DENND1B: variants seen among roughly 807,000 people sequenced by gnomAD.
The protein encoded by DENND1B is DENN domain containing 1B.
DENND1B carries 59 observed loss-of-function variants against 90.1 expected under a neutral mutation model. That is an observed-to-expected ratio of 0.65 (90% confidence interval 0.53 to 0.81). The LOEUF (loss-of-function observed/expected upper bound fraction) is 0.81, where lower values mean the gene tolerates loss of function less well. DENND1B is among the 40% of genes least tolerant of loss of function. The pLI is 0.00. For missense variants in DENND1B, 862 were observed against 912.6 expected (o/e 0.94, Z 0.71); for synonymous variants, 337 against 324.6 (o/e 1.04, Z -0.41).
chr1:197,623,948 A>G (rs1394365008), intron 10 of DENND1B, among the ~76,000 whole-genome samples: 4 of 151,626 alleles, frequency 2.6e-5, no homozygotes, highest in Non-Finnish European at 5.9e-5. Context: ...ATAAATGGAG[A>G]GATATTCCAT....
intron 18 of DENND1B, 82 bp from the exon 19 acceptor site, chr1:197,541,097 G>A: frequency 8.5e-7 from 1 of 1,180,446 alleles, no homozygotes; most frequent in Non-Finnish European, 1.2e-6. Context: ...CAAATTTAAT[G>A]ACAATTACTA....
At chr1:197,598,541 T>C (rs1438650870) in intron 13 of DENND1B, among the ~76,000 whole-genome samples, 2 of 151,858 alleles carry the variant, frequency 1.3e-5, no homozygotes, top group Non-Finnish European at 2.9e-5. Flanking sequence ...TACTTTTTAA[T>C]ACCTGGTCTA....
intron 2 of DENND1B, 122 bp downstream of exon 2, chr1:197,772,746 A>T: frequency 1.4e-6 from 1 of 719,720 alleles, no homozygotes; most frequent in Non-Finnish European, 2.3e-6. Flanking sequence ...GATCACCTGA[A>T]CCCGGGAAGG....
intron 16 of DENND1B, among the ~76,000 whole-genome samples, chr1:197,547,215 C>A (rs1048500496): frequency 5.3e-5 from 8 of 151,856 alleles, no homozygotes; most frequent in Admixed American, 2.0e-4. Flanking sequence ...TTGCAGTGTG[C>A]TAAGATTATG....
intron 2 of DENND1B, among the ~76,000 whole-genome samples, chr1:197,730,271 A>C (rs1204763138): frequency 1.3e-5 from 2 of 152,102 alleles, no homozygotes; most frequent in Non-Finnish European, 2.9e-5. Flanking sequence ...CCTTTAGGAT[A>C]TATAGGTAAT....
intron 15 of DENND1B, among the ~76,000 whole-genome samples, chr1:197,582,306 T>C (rs980802405): frequency 6.6e-6 from 1 of 152,168 alleles, no homozygotes; most frequent in African/African-American, 2.4e-5. Flanking sequence ...TATAGTATCT[T>C]CCCTTCTAAC....
At chr1:197,752,620 A>AT (rs1653706573) in intron 2 of DENND1B, among the ~76,000 whole-genome samples, 1 of 151,868 alleles carries the variant, frequency 6.6e-6, no homozygotes, top group African/African-American at 2.4e-5. Context: ...CAAAATAGAA[A>AT]TTTTTTTCAA....
intron 3 of DENND1B, among the ~76,000 whole-genome samples, chr1:197,713,789 A>T (rs1410366736): frequency 0.08 from 1,107 of 13,850 alleles, 58 homozygotes; most frequent in African/African-American, 0.2. Context: ...ATTATATTAT[A>T]ATATTATTAT....
intron 13 of DENND1B, among the ~76,000 whole-genome samples, chr1:197,604,701 T>C (rs1349383954): frequency 6.6e-6 from 1 of 151,250 alleles, no homozygotes; most frequent in African/African-American, 2.4e-5. Flanking sequence ...TAGTAACATT[T>C]TTCAGGTTTC....
intron 2 of DENND1B, among the ~76,000 whole-genome samples, chr1:197,738,346 G>C (rs1477118843): frequency 6.6e-6 from 1 of 152,210 alleles, no homozygotes; most frequent in East Asian, 1.9e-4. Flanking sequence ...GAGAATGACA[G>C]CCAGGTCACA....
chr1:197,511,709 T>TA lies in DENND1B; in HGVS notation c.1815+18dup, dbSNP rs558325099. Reference sequence around the variant, plus strand: ...GAATATTTTCTTCTAATTTTATAAGTAAAAAAAAATCTACTAACCGTAGGT... The same window carrying TA: ...GAATATTTTCTTCTAATTTTATAAGTAAAAAAAAAATCTACTAACCGTAGGT... On this transcript the variant is annotated intron_variant, in intron 22 of 22. Transcript: ENST00000620048. 2.1e-4 allele frequency: 318 copies of TA among 1,536,350 alleles called. 1 individual carries two copies. Among genetic ancestry groups the TA allele is most frequent in the East Asian group, 1.8e-3 (77 of 43,850 alleles).
At chr1:197,750,305 C>T (rs924215369) in intron 2 of DENND1B, among the ~76,000 whole-genome samples, 2 of 151,834 alleles carry the variant, frequency 1.3e-5, no homozygotes, top group African/African-American at 4.8e-5. Flanking sequence ...ACATAATCAT[C>T]AAGTACAATG....
At chr1:197,676,468 G>A (rs1459125659) in intron 3 of DENND1B, among the ~76,000 whole-genome samples, 1 of 151,940 alleles carries the variant, frequency 6.6e-6, no homozygotes, top group Non-Finnish European at 1.5e-5. Flanking sequence ...TCCTAGGTTA[G>A]CATCCACAGA....
intron 2 of DENND1B, among the ~76,000 whole-genome samples, chr1:197,761,586 A>T (rs1655059859): frequency 6.6e-6 from 1 of 152,162 alleles, no homozygotes; most frequent in Non-Finnish European, 1.5e-5. Flanking sequence ...AATAAAAGTC[A>T]TCTAAGTTTT....
intron 13 of DENND1B, among the ~76,000 whole-genome samples, chr1:197,603,697 G>T (rs1182668578): frequency 1.3e-5 from 2 of 151,134 alleles, no homozygotes; most frequent in African/African-American, 4.8e-5. Flanking sequence ...CCTAGTAAGA[G>T]AGTAATTCTA....
At chr1:197,672,194 T>C in intron 4 of DENND1B, 38 bp from the exon 5 acceptor site, 2 of 1,547,514 alleles carry the variant, frequency 1.3e-6, no homozygotes, top group Non-Finnish European at 1.7e-6. Context: ...TGTGCCTTGT[T>C]TGACAATTTT....
At chr1:197,565,475 CTTTT>C (rs66660353) in intron 15 of DENND1B, among the ~76,000 whole-genome samples, 31 of 150,830 alleles carry the variant, frequency 2.1e-4, no homozygotes, top group African/African-American at 4.6e-4. Flanking sequence ...TTTTTTCTTT[CTTTT>C]TTTTTTCTTT....
At chr1:197,523,854 T>C (rs1273911399) in intron 20 of DENND1B, among the ~76,000 whole-genome samples, 4 of 152,166 alleles carry the variant, frequency 2.6e-5, no homozygotes, top group Admixed American at 6.6e-5. Context: ...ATGGGGTCCA[T>C]TGTTCAATTA....
chr1:197,511,912 G>A lies in DENND1B; in HGVS notation c.1631C>T (p.Ala544Val), dbSNP rs1668056532. 3 of 1,607,040 alleles carry A rather than the reference G, an allele frequency of 1.9e-6. No individual in the cohort carries two copies. Among genetic ancestry groups the A allele is most frequent in the South Asian group, 2.2e-5 (2 of 89,844 alleles). ...AGAGTCATCACTCTCATAGAGATAA[G>A]CAGAAGCTTCTTCACCATCTTCAGA... ...LSSEDGEEAS[A>V]YLYESDDSVE... The change falls in exon 22 of 23, where the codon GCT becomes GTT. Residue 544 changes from alanine (A) to valine (V), a missense_variant. By Grantham distance (64) the Ala-to-Val change is moderately conservative. Coordinates refer to ENST00000620048, the MANE Select transcript of DENND1B (RefSeq NM_001195215.2).
Sources: allele counts gnomAD v4.1 joint callset (sites outside exome capture counted in the v4.1 genomes callset), GRCh38; gene constraint gnomAD v4.1.1; transcripts MANE v1.5; gene names NCBI Gene and HGNC (gene_info 2026-07-23, HGNC 2026-07-21).